Variants in BRIP1 observed in about 807,000 individuals in gnomAD.
BRIP1 encodes Fanconi anemia group J protein.
BRIP1 carries 88 observed loss-of-function variants against 119.7 expected under a neutral mutation model. The ratio of observed to expected loss-of-function variants is 0.74; its 90% CI spans 0.62 to 0.88. The LOEUF is 0.88. Ranked by LOEUF, BRIP1 falls within the 40% of genes least tolerant of loss-of-function variation. BRIP1 has a pLI of 0.00. For synonymous variants in BRIP1, 443 were observed against 496.5 expected (o/e 0.89, Z 1.43); for missense variants, 1,259 against 1,455.4 (o/e 0.87, Z 2.20).
At position 61,842,828 on chromosome 17, in the gene BRIP1, G is replaced by A. The variant is rs534345691; in HGVS notation, c.627+4273C>T. Among the ~76,000 whole-genome samples, 14 of 152,116 alleles carry A rather than the reference G, an allele frequency of 9.2e-5. No individual in the cohort carries two copies. The highest frequency in any genetic ancestry group is 3.8e-4 in the East Asian group (2 of 5,202). On this transcript the variant is annotated intron_variant, in intron 6 of 19. Transcript: ENST00000259008. The surrounding 1 kb of genome is among the most constrained non-coding windows in gnomAD (Gnocchi z 5.1). ...CTTGTTTAATCCTCCTAACGGCCCC[G>A]TGAGATAGGTACTATTACTAACCCC...
chr17:61,752,223 C>A lies in BRIP1; in HGVS notation c.2098-7632G>T, dbSNP rs1348066981. Among the ~76,000 whole-genome samples the A allele has an allele frequency of 3.9e-5, 6 of 152,054 alleles. No individual in the cohort carries two copies. Among genetic ancestry groups the A allele is most frequent in the Admixed American group, 3.9e-4 (6 of 15,276 alleles). ...AATATAAAATATAAAAATTAAACAA[C>A]ATTAGTCTGATTATTAATATGATGA... is the stretch of plus-strand genomic sequence containing the variant. On this transcript the variant is annotated intron_variant, in intron 14 of 19. Transcript: ENST00000259008. The surrounding 1 kb of genome is among the most constrained non-coding windows in gnomAD (Gnocchi z 6.2).
chr17:61,757,836 C>CA lies in BRIP1; in HGVS notation c.2098-13246dup, dbSNP rs557949135. On this transcript the variant is annotated intron_variant, in intron 14 of 19. Transcript: ENST00000259008. This position sits in a 1 kb window ranked among gnomAD's most constrained non-coding sequence, Gnocchi z 4.3. ...GCAACATGGCTAAACCCCATCTCTA[C>CA]AAAAAAAATAACTGGGCATGGTGGT... is the stretch of plus-strand genomic sequence containing the variant. 4.0e-5 allele frequency among the ~76,000 whole-genome samples: 6 copies of CA among 151,160 alleles called. No individual in the cohort carries two copies. The highest frequency in any genetic ancestry group is 6.6e-5 in the Admixed American group (1 of 15,184).
intron 10 of BRIP1, among the ~76,000 whole-genome samples, chr17:61,784,913 TA>T (rs1437777343): frequency 6.6e-6 from 1 of 151,960 alleles, no homozygotes; most frequent in East Asian, 1.9e-4. Context: ...CCTTTCTTTG[TA>T]AGTTACCCAG....
At chr17:61,697,707 C>T (rs142669359) in intron 17 of BRIP1, among the ~76,000 whole-genome samples, 450 of 151,274 alleles carry the variant, frequency 3.0e-3, no homozygotes, top group African/African-American at 0.01. Context: ...TTAATTGCCT[C>T]GCTTTGGGTT....
At chr17:61,773,951 G>A (rs113856759) in intron 14 of BRIP1, among the ~76,000 whole-genome samples, 102 of 152,214 alleles carry the variant, frequency 6.7e-4, no homozygotes, top group African/African-American at 2.3e-3. Context: ...AGCTGGAGAG[G>A]ATGTAGAGAA....
At chr17:61,826,358 A>G (rs1433140428) in intron 6 of BRIP1, among the ~76,000 whole-genome samples, 1 of 152,198 alleles carries the variant, frequency 6.6e-6, no homozygotes, top group Non-Finnish European at 1.5e-5. Flanking sequence ...GATGAAGACA[A>G]CAGAAGCAAT....
At chr17:61,812,431 A>C (rs1289552659) in intron 6 of BRIP1, among the ~76,000 whole-genome samples, 2 of 152,156 alleles carry the variant, frequency 1.3e-5, no homozygotes, top group Non-Finnish European at 2.9e-5. Context: ...TACATAAGAC[A>C]TGGGGCTTTC....
chr17:61,708,094 T>C lies in BRIP1; in HGVS notation c.2492+7857A>G, dbSNP rs908003394. On this transcript the variant is annotated intron_variant, in intron 17 of 19. Transcript: ENST00000259008. This position sits in a 1 kb window ranked among gnomAD's most constrained non-coding sequence, Gnocchi z 4.4. ...ACTGCTGACCTCAAGTGATCATTTT[T>C]AAGAGGATTAAGGAAAAAACAAAAA... 5.3e-5 allele frequency among the ~76,000 whole-genome samples: 8 copies of C among 152,020 alleles called. No individual in the cohort carries two copies. Among genetic ancestry groups the C allele is most frequent in the African/African-American group, 1.9e-4 (8 of 41,390 alleles).
chr17:61,806,616 A>G lies in BRIP1; in HGVS notation c.918+1851T>C, dbSNP rs987395005. Among the ~76,000 whole-genome samples the G allele has an allele frequency of 6.6e-6, 1 of 152,226 alleles. No homozygotes were observed. The highest frequency in any genetic ancestry group is 1.5e-5 in the Non-Finnish European group (1 of 68,042). On this transcript the variant is annotated intron_variant, in intron 7 of 19. Coordinates refer to ENST00000259008, the MANE Select transcript of BRIP1 (RefSeq NM_032043.3). The surrounding 1 kb of genome is among the most constrained non-coding windows in gnomAD (Gnocchi z 4.9). Reference sequence around the variant, plus strand: ...GCACTGTAGGATTCTAGGTTACACAAAATGAAACTGTCTGCCTTCAATACA... The same window carrying G: ...GCACTGTAGGATTCTAGGTTACACAGAATGAAACTGTCTGCCTTCAATACA...
Position 61,703,024 on chromosome 17 carries a change from G to A in BRIP1, c.2493-9512C>T, listed in dbSNP as rs1336756503. The stretch of plus-strand genomic sequence containing the variant: ...TAACGATAGCCATTCTGACTAGTGC[G>A]AGATGTTATCTCATTGTGTATGTAT... On this transcript the variant is annotated intron_variant, in intron 17 of 19. Transcript: ENST00000259008. The surrounding 1 kb of genome is among the most constrained non-coding windows in gnomAD (Gnocchi z 5.0). Among the ~76,000 whole-genome samples the A allele has an allele frequency of 2.0e-5, 3 of 148,490 alleles. No homozygotes were observed. The highest frequency in any genetic ancestry group is 3.0e-5 in the Non-Finnish European group (2 of 67,508).
rs1290975279 is a variant in BRIP1, at chr17:61,724,485, T to C, written c.2380-8422A>G. 6.6e-6 allele frequency among the ~76,000 whole-genome samples: 1 copy of C among 152,150 alleles called. No homozygotes were observed. The highest frequency in any genetic ancestry group is 6.6e-5 in the Admixed American group (1 of 15,266). On this transcript the variant is annotated intron_variant, in intron 16 of 19. Transcript: ENST00000259008. The surrounding 1 kb of genome is among the most constrained non-coding windows in gnomAD (Gnocchi z 5.1). ...CTTTTTCAACTTTCAGTCAAACTCT[T>C]TGCACAAAAGTAGCCTTTTTAAAGT...
In BRIP1 at chr17:61,754,600, A is replaced by C. The variant is rs117852098; in HGVS notation, c.2098-10009T>G. Among the ~76,000 whole-genome samples, 89 of 152,304 alleles carry C rather than the reference A, an allele frequency of 5.8e-4. No individual in the cohort carries two copies. The highest frequency in any genetic ancestry group is 6.5e-4 in the Non-Finnish European group (44 of 68,032). On this transcript the variant is annotated intron_variant, in intron 14 of 19. Transcript: ENST00000259008. The surrounding 1 kb of genome is among the most constrained non-coding windows in gnomAD (Gnocchi z 4.1). ...TCAGACTGAATGGCTTAAACAAAAG[A>C]AATTTATTTCTTACAGTTATTAGTT...
Position 61,799,187 on chromosome 17 carries a change from G to T in BRIP1, c.1253C>A (p.Ala418Asp). 6.2e-7 allele frequency: 1 copy of T among 1,613,576 alleles called. No homozygotes were observed. Among genetic ancestry groups the T allele is most frequent in the Non-Finnish European group, 8.5e-7 (1 of 1,179,642 alleles). ...YSVTEVQLRF[A>D]RDELDSMVNN... is the part of the protein sequence containing the mutation. Reference sequence around the variant, plus strand: ...GACCATACTATCTAGTTCATCCCGAGCAAACCGAAGCTGAACTTCTGTTAC... The same window carrying T: ...GACCATACTATCTAGTTCATCCCGATCAAACCGAAGCTGAACTTCTGTTAC... The change falls in exon 9 of 20, where the codon GCT becomes GAT. Residue 418 changes from alanine to aspartate, a missense_variant. By Grantham distance (126) the Ala-to-Asp change is moderately radical. Coordinates refer to ENST00000259008, the MANE Select transcript of BRIP1 (RefSeq NM_032043.3). The surrounding 1 kb of genome is among the most constrained non-coding windows in gnomAD (Gnocchi z 5.1).
intron 14 of BRIP1, among the ~76,000 whole-genome samples, chr17:61,771,036 C>T (rs1021195711): frequency 1.3e-5 from 2 of 152,124 alleles, no homozygotes; most frequent in African/African-American, 4.8e-5. Context: ...ATAAGAGACA[C>T]ACTTTAAATT....
At chr17:61,772,157 TTATATATATATA>T (rs71150699) in intron 14 of BRIP1, among the ~76,000 whole-genome samples, 2,653 of 76,566 alleles carry the variant, frequency 0.035, 70 homozygotes, top group Non-Finnish European at 0.041. Context: ...AAATGTGAGA[TTATATATATATA>T]TATATATATA....
rs917180196 is a variant in BRIP1, at chr17:61,683,273, C to T, written c.*23G>A. Reference sequence around the variant, plus strand: ...ACATAAGCATGATGACATATTTTTACTTAGCTTGAGAGTTAAGTATTATTA... The same window carrying T: ...ACATAAGCATGATGACATATTTTTATTTAGCTTGAGAGTTAAGTATTATTA... On this transcript the variant is annotated 3_prime_UTR_variant, in exon 20 of 20. Coordinates refer to ENST00000259008, the MANE Select transcript of BRIP1 (RefSeq NM_032043.3). This position sits in a 1 kb window ranked among gnomAD's most constrained non-coding sequence, Gnocchi z 4.7. 1 of 1,595,798 alleles carries T rather than the reference C, an allele frequency of 6.3e-7. No homozygotes were observed. Among genetic ancestry groups the T allele is most frequent in the Non-Finnish European group, 8.6e-7 (1 of 1,165,782 alleles).
rs891414312 is a variant in BRIP1, at chr17:61,776,002, G to A, written c.2097+399C>T. On this transcript the variant is annotated intron_variant, in intron 14 of 19. Transcript: ENST00000259008. This position sits in a 1 kb window ranked among gnomAD's most constrained non-coding sequence, Gnocchi z 5.0. ...GGGCTCAAGCAATCCTCCCACCTCA[G>A]CCTCGCAGGTAGCTGGGACTATAGG... The A allele has an allele frequency of 4.2e-6, 1 of 238,778 alleles. No homozygotes were observed. Among genetic ancestry groups the A allele is most frequent in the African/African-American group, 2.3e-5 (1 of 43,688 alleles). 14.8% of individuals were successfully genotyped at this position (238,778 alleles called of 1,614,324 possible). A position where few individuals can be genotyped will look rare whatever the true frequency, so the allele number is the denominator to read the frequency against.
At chr17:61,858,299 C>T (rs994315100) in intron 3 of BRIP1, among the ~76,000 whole-genome samples, 10 of 151,962 alleles carry the variant, frequency 6.6e-5, no homozygotes, top group African/African-American at 4.8e-5. Context: ...AAGTTAGTAC[C>T]GATAAACTCA....
rs1315722729 is a variant in BRIP1 at position 61,858,380 on chromosome 17, T to TG, written c.206-1150_206-1149insC. Among the ~76,000 whole-genome samples the TG allele has an allele frequency of 4.1e-3, 626 of 151,946 alleles. 5 individuals carry two copies. The highest frequency in any genetic ancestry group is 6.3e-3 in the Non-Finnish European group (431 of 67,956). On this transcript the variant is annotated intron_variant, in intron 3 of 19. Transcript: ENST00000259008. ...AAGCTTATGAAGTATTTACTGTTTTTTTTTTTTTTTGAGACAGAGTTTCGC... is the reference window on the plus strand; with the variant it reads ...AAGCTTATGAAGTATTTACTGTTTTTGTTTTTTTTTTGAGACAGAGTTTCGC...
Sources: allele counts gnomAD v4.1 joint callset (sites outside exome capture counted in the v4.1 genomes callset), GRCh38; gene constraint gnomAD v4.1.1; non-coding constraint Gnocchi (gnomAD v3.1); transcripts MANE v1.5; gene names NCBI Gene and HGNC (gene_info 2026-07-23, HGNC 2026-07-21).